Variants in SOAT1 observed in about 807,000 individuals in gnomAD.
The protein encoded by SOAT1 is sterol O-acyltransferase 1.
SOAT1 carries 55 observed loss-of-function variants against 69.5 expected under a neutral mutation model. That is an observed-to-expected ratio of 0.79 (90% CI 0.64 to 0.99). The LOEUF (loss-of-function observed/expected upper bound fraction) is 0.99. SOAT1 is among the 50% of genes least tolerant of loss of function. The pLI is 0.00. For missense variants in SOAT1, 580 were observed against 669.3 expected (o/e 0.87, Z 1.47); for synonymous variants, 231 against 224.7 (o/e 1.03, Z -0.25).
chr1:179,318,049 G>T lies in SOAT1; in HGVS notation c.119-5388G>T, dbSNP rs548061708. On this transcript the variant is annotated intron_variant, in intron 2 of 15. Coordinates refer to ENST00000367619, the MANE Select transcript of SOAT1 (RefSeq NM_003101.6). ...CTACAAAACACTTAAAAAAAAATTA[G>T]CTGGGTGTGGTGGCACACATCTATG... Among the ~76,000 whole-genome samples the T allele has an allele frequency of 2.6e-5, 4 of 152,026 alleles. No individual in the cohort carries two copies. The East Asian group carries it at 5.8e-4, about 22-fold the overall frequency.
At chr1:179,317,817 A>G (rs563663962) in intron 2 of SOAT1, among the ~76,000 whole-genome samples, 1 of 152,250 alleles carries the variant, frequency 6.6e-6, no homozygotes, top group Admixed American at 6.5e-5. Flanking sequence ...CTTTATTAAA[A>G]GGATAGAATA....
intron 3 of SOAT1, among the ~76,000 whole-genome samples, chr1:179,333,982 A>G (rs917766561): frequency 6.6e-6 from 1 of 152,276 alleles, no homozygotes; most frequent in Non-Finnish European, 1.5e-5. Flanking sequence ...GAGGGGCTCA[A>G]GGGGCCTGTG....
At chr1:179,330,713 C>T (rs1310115486) in intron 3 of SOAT1, among the ~76,000 whole-genome samples, 9 of 152,356 alleles carry the variant, frequency 5.9e-5, no homozygotes, top group South Asian at 2.1e-4. Context: ...TTCTCACTGT[C>T]GTAGTCTTTG....
intron 15 of SOAT1, among the ~76,000 whole-genome samples, chr1:179,351,844 C>T (rs1277904088): frequency 1.3e-5 from 2 of 151,356 alleles, no homozygotes; most frequent in East Asian, 2.0e-4. Flanking sequence ...CTCAGCCTCC[C>T]GAGTAGCTGG....
At chr1:179,308,802 T>TCTC (rs1553243588) in intron 2 of SOAT1, among the ~76,000 whole-genome samples, 3 of 151,582 alleles carry the variant, frequency 2.0e-5, no homozygotes, top group African/African-American at 7.3e-5. Flanking sequence ...AAGTAATACT[T>TCTC]CCTCAAGTAA....
At position 179,353,678 on chromosome 1, in the gene SOAT1, T is replaced by C; in HGVS notation, c.*37T>C. The C allele has an allele frequency of 1.3e-6, 2 of 1,544,670 alleles. No homozygotes were observed. Among genetic ancestry groups the C allele is most frequent in the South Asian group, 2.2e-5 (2 of 89,468 alleles). On this transcript the variant is annotated 3_prime_UTR_variant, in exon 16 of 16. Transcript: ENST00000367619. Reference sequence around the variant, plus strand: ...TTGTTTCCTCCTTGTCACTGAAGATTGGGTAGCTCCCTGATTTGGAGCCAG... The same window carrying C: ...TTGTTTCCTCCTTGTCACTGAAGATCGGGTAGCTCCCTGATTTGGAGCCAG...
At chr1:179,305,632 GT>G (rs1664977976) in intron 2 of SOAT1, among the ~76,000 whole-genome samples, 1 of 152,140 alleles carries the variant, frequency 6.6e-6, no homozygotes, top group Non-Finnish European at 1.5e-5. Context: ...GTAAATGTAT[GT>G]TTAACTTTTT....
At chr1:179,351,720 A>ATTTTTTTTTTTTTTTTTTTT (rs1558061106) in intron 15 of SOAT1, among the ~76,000 whole-genome samples, 19 of 43,486 alleles carry the variant, frequency 4.4e-4, no homozygotes, top group African/African-American at 1.7e-3. Context: ...AGCCCCTTCT[A>ATTTTTTTTTTTTTTTTTTTT]ATTTTTTTTT....
chr1:179,294,586 C>T (rs1282849545), intron 1 of SOAT1, among the ~76,000 whole-genome samples: 3 of 152,220 alleles, frequency 2.0e-5, no homozygotes, highest in Non-Finnish European at 4.4e-5. Context: ...GGCTGGAGTG[C>T]AGTGGCGCAA....
Position 179,341,249 on chromosome 1 carries a change from C to G in SOAT1, c.719C>G (p.Thr240Arg). 1.2e-6 allele frequency: 2 copies of G among 1,614,146 alleles called. No homozygotes were observed. The highest frequency in any genetic ancestry group is 2.7e-5 in the African/African-American group (2 of 75,024). The change falls in exon 7 of 16, where the codon ACA becomes AGA. Residue 240 changes from threonine (T) to arginine (R), a missense_variant. Physicochemically the swap from Thr to Arg is moderately conservative, Grantham distance 71. Coordinates refer to ENST00000367619, the MANE Select transcript of SOAT1 (RefSeq NM_003101.6). ...ATTGGAGTTCTAGGTTTTGGACCAA[C>G]ATATGTTGTGTTAGCATATACACTG... Reference protein sequence around the residue: ...FQIGVLGFGPTYVVLAYTLPP... With the variant: ...FQIGVLGFGPRYVVLAYTLPP...
At chr1:179,333,572 G>A (rs966282357) in intron 3 of SOAT1, among the ~76,000 whole-genome samples, 2 of 152,018 alleles carry the variant, frequency 1.3e-5, no homozygotes, top group Non-Finnish European at 2.9e-5. Flanking sequence ...GGGGCACGGT[G>A]GCTCACGTCT....
rs750316070 is a variant in SOAT1 at position 179,350,335 on chromosome 1, G to C, written c.1354G>C (p.Val452Leu). Reference protein sequence around the residue: ...KRFKSAAMLAVFAVSAVVHEY... With the variant: ...KRFKSAAMLALFAVSAVVHEY... ...ATTCAAATCTGCTGCCATGTTAGCTGTCTTTGCTGTATCTGCTGTAGTACA... is the reference window on the plus strand; with the variant it reads ...ATTCAAATCTGCTGCCATGTTAGCTCTCTTTGCTGTATCTGCTGTAGTACA... Residue 452 changes from valine to leucine, a missense_variant, in exon 14 of 16, where the codon GTC becomes CTC. Transcript: ENST00000367619. 3 of 1,613,926 alleles carry C rather than the reference G, an allele frequency of 1.9e-6. No individual in the cohort carries two copies. The highest frequency in any genetic ancestry group is 2.5e-6 in the Non-Finnish European group (3 of 1,179,938).
At chr1:179,313,541 TGTATATATG>T (rs1197475245) in intron 2 of SOAT1, among the ~76,000 whole-genome samples, 18 of 142,542 alleles carry the variant, frequency 1.3e-4, no homozygotes, top group African/African-American at 4.4e-4. Context: ...TGTATATGTG[TGTATATATG>T]TGTATATATA....
At chr1:179,315,052 G>A (rs996622044) in intron 2 of SOAT1, among the ~76,000 whole-genome samples, 3 of 152,142 alleles carry the variant, frequency 2.0e-5, no homozygotes, top group Non-Finnish European at 4.4e-5. Context: ...AAATGATTCC[G>A]AAATTACATC....
intron 3 of SOAT1, among the ~76,000 whole-genome samples, chr1:179,325,024 A>T (rs546562133): frequency 2.0e-5 from 3 of 151,610 alleles, no homozygotes; most frequent in Non-Finnish European, 2.9e-5. Flanking sequence ...GATGGTCTCA[A>T]TCTCCTGACC....
intron 2 of SOAT1, among the ~76,000 whole-genome samples, chr1:179,311,790 A>C (rs1001074960): frequency 6.6e-6 from 1 of 152,240 alleles, no homozygotes; most frequent in Non-Finnish European, 1.5e-5. Context: ...TATTTTCAGT[A>C]TCACTGATGA....
intron 3 of SOAT1, among the ~76,000 whole-genome samples, chr1:179,325,900 T>C (rs2244569): frequency 0.98 from 149,789 of 152,292 alleles, 73,718 homozygotes; most frequent in Middle Eastern, 1. Context: ...AGCTTGGTCA[T>C]TTAGGAGGAT....
Position 179,302,813 on chromosome 1 carries a change from A to ATTTT in SOAT1, c.118+20_118+23dup. On this transcript the variant is annotated intron_variant, in intron 2 of 15. Transcript: ENST00000367619. The stretch of plus-strand genomic sequence containing the variant: ...AGACACCTAGTAATGGTGAGGCTTA[A>ATTTT]TTTTTTTTTTTTAGGTGAATTAGTG... The ATTTT allele has an allele frequency of 8.1e-7, 1 of 1,230,770 alleles. No individual in the cohort carries two copies. The highest frequency in any genetic ancestry group is 1.1e-6 in the Non-Finnish European group (1 of 907,912). The allele number at this position is 1,230,770 out of a possible 1,614,324, so 76.2% of individuals were successfully genotyped here.
intron 1 of SOAT1, among the ~76,000 whole-genome samples, chr1:179,299,716 TG>T (rs1422611581): frequency 1.3e-5 from 2 of 150,888 alleles, no homozygotes; most frequent in Non-Finnish European, 3.0e-5. Context: ...AACTTTAATC[TG>T]GCATTTATTT....
Sources: gnomAD v4.1 joint callset for allele counts (sites outside exome capture counted in the v4.1 genomes callset) on GRCh38, gnomAD v4.1.1 for gene constraint, MANE v1.5 for transcripts, NCBI Gene and HGNC (gene_info 2026-07-23, HGNC 2026-07-21) for gene names.